The following ZNF862 variants were observed in gnomAD, a reference collection of about 807,000 sequenced individuals.
The protein encoded by ZNF862 is zinc finger protein 862.
ZNF862 carries 64 observed loss-of-function variants against 91.1 expected under a neutral mutation model. The observed-to-expected ratio is 0.70, with a 90% CI of 0.57 to 0.87. ZNF862 has a LOEUF of 0.87. Ranked by LOEUF, ZNF862 falls within the 40% of genes least tolerant of loss-of-function variation. The probability of loss-of-function intolerance (pLI) is 0.00; values close to 1 mark genes in which losing one functional copy is unlikely to be tolerated. For missense variants in ZNF862, 1,459 were observed against 1,528.0 expected (o/e 0.95, Z 0.75); for synonymous variants, 631 against 618.1 (o/e 1.02, Z -0.31).
intron 7 of ZNF862, 103 bp downstream of exon 7, chr7:149,862,597 C>G (rs1802559276): frequency 7.6e-7 from 1 of 1,311,648 alleles, no homozygotes; most frequent in African/African-American, 1.5e-5. Flanking sequence ...ATGCACCCAC[C>G]CATTTGCTAG....
Position 149,849,110 on chromosome 7 carries a change from T to A in ZNF862, c.939+678T>A, listed in dbSNP as rs530542453. Among the ~76,000 whole-genome samples, 7 of 152,364 alleles carry A rather than the reference T, an allele frequency of 4.6e-5. No homozygotes were observed. In the South Asian group the frequency reaches 6.2e-4, roughly 14 times the overall value. On this transcript the variant is annotated intron_variant, in intron 4 of 7. Transcript: ENST00000223210. ...TCTACCACTCCTGGCTAGTATTTTT[T>A]AAATTTTAAGTTTGGAGTCATGTTG... is the stretch of plus-strand genomic sequence containing the variant.
chr7:149,859,480 G>T lies in ZNF862; in HGVS notation c.1176G>T (p.Trp392Cys). The change falls in exon 6 of 8, where the codon TGG becomes TGT. Residue 392 changes from tryptophan to cysteine, a missense_variant. Transcript: ENST00000223210. ...AACTGGAGCGGAGGGCTGCACCCTGGATCAAGGACCCAAATGGGCCAAAGT... is the reference window on the plus strand; with the variant it reads ...AACTGGAGCGGAGGGCTGCACCCTGTATCAAGGACCCAAATGGGCCAAAGT... ...ISKLERRAAP[W>C]IKDPNGPKWG... The T allele has an allele frequency of 1.3e-6, 2 of 1,588,242 alleles. No individual in the cohort carries two copies. Among genetic ancestry groups the T allele is most frequent in the Non-Finnish European group, 1.7e-6 (2 of 1,166,682 alleles).
At position 149,861,495 on chromosome 7, in the gene ZNF862, A is replaced by T; in HGVS notation, c.2335A>T (p.Ile779Phe). ...EGAAPLEQEI[I>F]RLKDLNAVRW... Reference sequence around the variant, plus strand: ...TGCGGCGCCTCTGGAGCAGGAGATCATCCGCCTGAAGGATCTGAATGCGGT... The same window carrying T: ...TGCGGCGCCTCTGGAGCAGGAGATCTTCCGCCTGAAGGATCTGAATGCGGT... Residue 779 changes from isoleucine (I) to phenylalanine (F), a missense_variant, in exon 7 of 8, where the codon ATC becomes TTC. Coordinates refer to ENST00000223210, the MANE Select transcript of ZNF862 (RefSeq NM_001099220.3). This position sits in a 1 kb window ranked among gnomAD's most constrained non-coding sequence, Gnocchi z 6.7. The T allele has an allele frequency of 1.2e-6, 2 of 1,612,218 alleles. No homozygotes were observed. The highest frequency in any genetic ancestry group is 8.5e-7 in the Non-Finnish European group (1 of 1,179,432).
Position 149,859,424 on chromosome 7 carries a change from C to A in ZNF862, c.1120C>A (p.Pro374Thr). Residue 374 changes from proline to threonine, a missense_variant and splice_region_variant, in exon 6 of 8, where the codon CCT becomes ACT. Coordinates refer to ENST00000223210, the MANE Select transcript of ZNF862 (RefSeq NM_001099220.3). ...ATGATTCTTCATCCTTACAACAGGACCTGCCGCTGCCAAGCCAGACTTGAT... is the reference window on the plus strand; with the variant it reads ...ATGATTCTTCATCCTTACAACAGGAACTGCCGCTGCCAAGCCAGACTTGAT... ...MNYELLASLG[P>T]AAAKPDLISK... 2 of 1,572,698 alleles carry A rather than the reference C, an allele frequency of 1.3e-6. No individual in the cohort carries two copies. Among genetic ancestry groups the A allele is most frequent in the East Asian group, 2.3e-5 (1 of 42,874 alleles).
At chr7:149,858,589 G>GA (rs1363944387) in intron 5 of ZNF862, 2 of 152,180 alleles carry the variant, frequency 1.3e-5, no homozygotes, top group African/African-American at 4.8e-5. Context: ...GCTCTCCACA[G>GA]AAAGTTTATG....
At chr7:149,839,065 AAG>A (rs1291746464) in intron 1 of ZNF862, among the ~76,000 whole-genome samples, 1 of 152,212 alleles carries the variant, frequency 6.6e-6, no homozygotes, top group Non-Finnish European at 1.5e-5. Context: ...AAGGGCTGAA[AAG>A]AGAGGGCATC....
chr7:149,854,501 G>T (rs1395711726), intron 5 of ZNF862, among the ~76,000 whole-genome samples: 1 of 152,146 alleles, frequency 6.6e-6, no homozygotes, highest in Non-Finnish European at 1.5e-5. Flanking sequence ...TATAACTCTG[G>T]TTATATTATA....
At position 149,861,304 on chromosome 7, in the gene ZNF862, T is replaced by G; in HGVS notation, c.2144T>G (p.Val715Gly). The change falls in exon 7 of 8, where the codon GTC (valine) becomes GGC (glycine). Residue 715 changes from valine (V) to glycine (G), a missense_variant. By Grantham distance (109) the Val-to-Gly change is moderately radical. Coordinates refer to ENST00000223210, the MANE Select transcript of ZNF862 (RefSeq NM_001099220.3). This position sits in a 1 kb window ranked among gnomAD's most constrained non-coding sequence, Gnocchi z 6.7. ...RGGLVEKFQE[V>G]IPQLLPVHCV... ...GGCCTTGTGGAAAAGTTCCAGGAGG[T>G]CATCCCGCAGCTGCTGCCTGTCCAC... 1.2e-6 allele frequency: 2 copies of G among 1,612,732 alleles called. No homozygotes were observed. Among genetic ancestry groups the G allele is most frequent in the Non-Finnish European group, 1.7e-6 (2 of 1,179,810 alleles).
intron 5 of ZNF862, among the ~76,000 whole-genome samples, chr7:149,857,598 G>C (rs77726682): frequency 0.034 from 5,090 of 151,846 alleles, 280 homozygotes; most frequent in African/African-American, 0.12. Flanking sequence ...ATTATCTCTC[G>C]GTTCATTCCT....
chr7:149,864,292 G>A lies in ZNF862; in HGVS notation c.*8G>A. On this transcript the variant is annotated 3_prime_UTR_variant, in exon 8 of 8. Coordinates refer to ENST00000223210, the MANE Select transcript of ZNF862 (RefSeq NM_001099220.3). ...GCCCCCGGGATGTCCTGAGGGACAGGGAGTCCTTGGGACTGCCTTGGAGAC... is the reference window on the plus strand; with the variant it reads ...GCCCCCGGGATGTCCTGAGGGACAGAGAGTCCTTGGGACTGCCTTGGAGAC... 2 of 1,590,668 alleles carry A rather than the reference G, an allele frequency of 1.3e-6. No homozygotes were observed. Among genetic ancestry groups the A allele is most frequent in the Non-Finnish European group, 1.7e-6 (2 of 1,169,718 alleles).
chr7:149,842,275 A>G lies in ZNF862; in HGVS notation c.25-2350A>G, dbSNP rs187117507. 5.3e-5 allele frequency among the ~76,000 whole-genome samples: 8 copies of G among 152,308 alleles called. No individual in the cohort carries two copies. The East Asian group carries it at 1.5e-3, about 29-fold the overall frequency. ...AATGATATGAATCTGGCTGGAGGAG[A>G]CATTCCAAGCGAGGCAATGCACAGA... On this transcript the variant is annotated intron_variant, in intron 1 of 7. Coordinates refer to ENST00000223210, the MANE Select transcript of ZNF862 (RefSeq NM_001099220.3).
chr7:149,861,243 GGGAC>G lies in ZNF862; in HGVS notation c.2087_2090del (p.Thr696MetfsTer6), dbSNP rs1158798739. 1.2e-6 allele frequency: 2 copies of G among 1,611,948 alleles called. No homozygotes were observed. Among genetic ancestry groups the G allele is most frequent in the Non-Finnish European group, 1.7e-6 (2 of 1,179,516 alleles). On this transcript the variant is annotated frameshift_variant, in exon 7 of 8. Transcript: ENST00000223210. LOFTEE classifies it high-confidence loss of function. This position sits in a 1 kb window ranked among gnomAD's most constrained non-coding sequence, Gnocchi z 6.7. The stretch of plus-strand genomic sequence containing the variant: ...GAAGCCTGGCTGGGTGGTGGGGCTG[GGGAC>G]GGATGGCTCAGCCATGTTGAGCTGC...
intron 5 of ZNF862, among the ~76,000 whole-genome samples, chr7:149,853,795 G>A (rs1262259588): frequency 2.0e-5 from 3 of 151,954 alleles, no homozygotes; most frequent in East Asian, 3.9e-4. Context: ...AAAATTAGCC[G>A]AGCGTAGTGG....
chr7:149,857,329 C>CT (rs1802296260), intron 5 of ZNF862, among the ~76,000 whole-genome samples: 1 of 151,878 alleles, frequency 6.6e-6, no homozygotes, highest in Non-Finnish European at 1.5e-5. Context: ...CTGCTTTTAT[C>CT]TTTTTTATAC....
At position 149,848,397 on chromosome 7, in the gene ZNF862, AT is replaced by A; in HGVS notation, c.908del (p.Leu303TyrfsTer6). On this transcript the variant is annotated frameshift_variant, in exon 4 of 8. Coordinates refer to ENST00000223210, the MANE Select transcript of ZNF862 (RefSeq NM_001099220.3). LOFTEE classifies it high-confidence loss of function. ...DGIHSSSDIN[I>X]LYNDAVESCI... ...CATCCACAGCTCCTCAGACATTAAT[AT>A]TTTATATAATGATGCAGTAGAATCC... 1 of 1,577,518 alleles carries A rather than the reference AT, an allele frequency of 6.3e-7. No individual in the cohort carries two copies. Among genetic ancestry groups the A allele is most frequent in the Non-Finnish European group, 8.6e-7 (1 of 1,161,174 alleles).
chr7:149,854,903 C>T (rs553932431), intron 5 of ZNF862, among the ~76,000 whole-genome samples: 78 of 152,242 alleles, frequency 5.1e-4, no homozygotes, highest in Non-Finnish European at 1.0e-3. Context: ...AGGTCGGCTC[C>T]ACTGGCTAAT....
chr7:149,861,546 A>G lies in ZNF862; in HGVS notation c.2386A>G (p.Thr796Ala). Residue 796 changes from threonine (T) to alanine (A), a missense_variant, in exon 7 of 8, where the codon ACG (threonine) becomes GCG (alanine). Physicochemically the swap from Thr to Ala is moderately conservative, Grantham distance 58. Transcript: ENST00000223210. The surrounding 1 kb of genome is among the most constrained non-coding windows in gnomAD (Gnocchi z 6.7). ...CCGCTGGGTGGCCAGCAGGAGGCGC[A>G]CGCTGCACGCGCTGCTCGTGAGCTG... ...AVRWVASRRR[T>A]LHALLVSWPA... The G allele has an allele frequency of 6.2e-7, 1 of 1,600,564 alleles. No homozygotes were observed. The highest frequency in any genetic ancestry group is 8.5e-7 in the Non-Finnish European group (1 of 1,174,940).
chr7:149,841,822 C>T, intron 1 of ZNF862: 1 of 920,282 alleles, frequency 1.1e-6, no homozygotes, highest in Non-Finnish European at 1.3e-6. Flanking sequence ...TATTATTGCA[C>T]TTATATCTTA....
chr7:149,850,267 T>C lies in ZNF862; in HGVS notation c.1046T>C (p.Met349Thr). The C allele has an allele frequency of 6.2e-7, 1 of 1,613,758 alleles. No homozygotes were observed. The highest frequency in any genetic ancestry group is 8.5e-7 in the Non-Finnish European group (1 of 1,179,874). ...TATTTCACCCGGGAGGAGTGGGGCA[T>C]GCTAGACAAGCGGCAGAAGGAGCTG... Reference protein sequence around the residue: ...AVYFTREEWGMLDKRQKELYR... With the variant: ...AVYFTREEWGTLDKRQKELYR... Residue 349 changes from methionine to threonine, a missense_variant, in exon 5 of 8, where the codon ATG (methionine) becomes ACG (threonine). Physicochemically the swap from Met to Thr is moderately conservative, Grantham distance 81 (BLOSUM62 -1). Transcript: ENST00000223210. This position sits in a 1 kb window ranked among gnomAD's most constrained non-coding sequence, Gnocchi z 4.2.
Sources: gnomAD v4.1 joint callset for allele counts (sites outside exome capture counted in the v4.1 genomes callset) on GRCh38, gnomAD v4.1.1 for gene constraint, Gnocchi (gnomAD v3.1) non-coding constraint, MANE v1.5 for transcripts, NCBI Gene and HGNC (gene_info 2026-07-23, HGNC 2026-07-21) for gene names.